The following ERC2 variants were observed in gnomAD, a reference collection of about 807,000 sequenced individuals.
ERC2 encodes the protein ERC protein 2.
In ERC2, 42 loss-of-function variants were observed where a neutral mutation model predicts 114.8. The ratio of observed to expected loss-of-function variants is 0.37; its 90% CI spans 0.29 to 0.47. The LOEUF (loss-of-function observed/expected upper bound fraction) is 0.47, where lower values mean the gene tolerates loss of function less well. Among genes scored for constraint, ERC2 ranks in the 20% least tolerant of loss-of-function variants. The pLI is 0.99. For missense variants in ERC2, 939 were observed against 1,150.7 expected, an observed-to-expected ratio of 0.82 and a Z score of 2.66; for synonymous variants, 454 against 425.5, an observed-to-expected ratio of 1.07 and a Z score of -0.82.
At chr3:56,226,243 C>T (rs1377847054) in intron 3 of ERC2, among the ~76,000 whole-genome samples, 3 of 152,174 alleles carry the variant, frequency 2.0e-5, no homozygotes, top group Non-Finnish European at 2.9e-5. Context: ...AGCCCACATG[C>T]AAGAAGACTG....
chr3:55,669,805 T>C (rs1373810842), intron 17 of ERC2, among the ~76,000 whole-genome samples: 15 of 152,236 alleles, frequency 9.9e-5, no homozygotes, highest in Admixed American at 8.5e-4. Context: ...AATGGTTCCA[T>C]TTGTTCCCTT....
At chr3:55,568,135 C>T (rs965443153) in intron 17 of ERC2, among the ~76,000 whole-genome samples, 1 of 152,218 alleles carries the variant, frequency 6.6e-6, no homozygotes, top group African/African-American at 2.4e-5. Flanking sequence ...ATAGGCCTCA[C>T]TAGCCAAGTA....
chr3:55,577,409 G>T (rs1435693085), intron 17 of ERC2, among the ~76,000 whole-genome samples: 2 of 152,186 alleles, frequency 1.3e-5, no homozygotes, highest in African/African-American at 4.8e-5. Context: ...TCCTCATAAA[G>T]TTCCCTTTAT....
At chr3:56,378,375 A>T (rs2059625051) in intron 2 of ERC2, among the ~76,000 whole-genome samples, 1 of 136,072 alleles carries the variant, frequency 7.3e-6, no homozygotes, top group Non-Finnish European at 1.6e-5. Flanking sequence ...GAACAATGAG[A>T]TCACATGGAC....
chr3:55,737,014 G>A (rs183494345), intron 14 of ERC2, among the ~76,000 whole-genome samples: 179 of 152,206 alleles, frequency 1.2e-3, no homozygotes, highest in African/African-American at 3.9e-3. Flanking sequence ...CAGCCCCAAG[G>A]AAGCCTCCAC....
intron 17 of ERC2, among the ~76,000 whole-genome samples, chr3:55,525,046 C>T (rs1012891155): frequency 6.6e-6 from 1 of 152,196 alleles, no homozygotes; most frequent in African/African-American, 2.4e-5. Context: ...CCAGGAACTA[C>T]CCTCATGGTT....
chr3:56,129,279 C>T (rs560724509), intron 6 of ERC2, among the ~76,000 whole-genome samples: 6 of 152,244 alleles, frequency 3.9e-5, no homozygotes, highest in African/African-American at 1.4e-4. Context: ...TGTAAATATA[C>T]GTAAAGAAAC....
chr3:56,405,390 G>A (rs1390727308), intron 2 of ERC2, among the ~76,000 whole-genome samples: 3 of 151,894 alleles, frequency 2.0e-5, no homozygotes, highest in African/African-American at 7.3e-5. Context: ...TTGTGCCACT[G>A]CATTCCAGCC....
chr3:56,370,587 GTTTT>G (rs1404693067), intron 2 of ERC2, among the ~76,000 whole-genome samples: 2 of 138,398 alleles, frequency 1.4e-5, no homozygotes, highest in South Asian at 2.2e-4. Context: ...TTTGGTGGGG[GTTTT>G]TTTGTTTTTT....
chr3:55,931,236 G>A (rs951344436), intron 13 of ERC2, among the ~76,000 whole-genome samples: 1 of 152,164 alleles, frequency 6.6e-6, no homozygotes, highest in African/African-American at 2.4e-5. Context: ...ATTTGACCCA[G>A]CAATCCCATT....
At chr3:56,019,552 C>G (rs915511577) in intron 7 of ERC2, among the ~76,000 whole-genome samples, 4 of 152,118 alleles carry the variant, frequency 2.6e-5, no homozygotes. Context: ...TTCAAAGTAA[C>G]CACATGAAAA....
intron 13 of ERC2, among the ~76,000 whole-genome samples, chr3:55,897,163 T>G (rs1369270275): frequency 6.6e-6 from 1 of 152,134 alleles, no homozygotes; most frequent in Non-Finnish European, 1.5e-5. Context: ...ACACATACAT[T>G]TGTGTTGTTT....
At chr3:56,274,858 A>T (rs2053893597) in intron 3 of ERC2, among the ~76,000 whole-genome samples, 1 of 152,250 alleles carries the variant, frequency 6.6e-6, no homozygotes, top group Non-Finnish European at 1.5e-5. Flanking sequence ...GTTCTGGAGC[A>T]ATCTGTTTAT....
intron 6 of ERC2, 144 bp from the exon 7 acceptor site, chr3:56,081,128 C>T (rs942436246): frequency 2.0e-5 from 16 of 790,868 alleles, no homozygotes; most frequent in African/African-American, 3.5e-5. Flanking sequence ...CCTCACTGCC[C>T]TGCATTTTAA....
chr3:56,050,248 A>G (rs943280488), intron 7 of ERC2, among the ~76,000 whole-genome samples: 1 of 152,210 alleles, frequency 6.6e-6, no homozygotes, highest in Admixed American at 6.5e-5. Flanking sequence ...GCTTATATTA[A>G]TAGGTTTAAA....
chr3:56,294,320 C>A (rs1163304985), intron 3 of ERC2, among the ~76,000 whole-genome samples: 5 of 152,252 alleles, frequency 3.3e-5, no homozygotes, highest in Admixed American at 3.3e-4. Flanking sequence ...AATCAAGGCA[C>A]AACTTAAGTG....
intron 13 of ERC2, among the ~76,000 whole-genome samples, chr3:55,893,938 T>A (rs2063727912): frequency 6.6e-6 from 1 of 152,212 alleles, no homozygotes; most frequent in African/African-American, 2.4e-5. Context: ...TGCCTGATCA[T>A]CTGTAACAAT....
chr3:55,895,901 T>TG (rs752529054), intron 13 of ERC2, among the ~76,000 whole-genome samples: 4 of 152,212 alleles, frequency 2.6e-5, no homozygotes, highest in Non-Finnish European at 4.4e-5. Context: ...TTCTCTTTGC[T>TG]ATGGGGATGA....
At chr3:55,522,511 C>T (rs1472653970) in intron 17 of ERC2, among the ~76,000 whole-genome samples, 1 of 152,106 alleles carries the variant, frequency 6.6e-6, no homozygotes, top group East Asian at 1.9e-4. Flanking sequence ...CCCAACAGAC[C>T]ACCTTAAAGG....
Sources: gnomAD v4.1 joint callset for allele counts (sites outside exome capture counted in the v4.1 genomes callset) on GRCh38, gnomAD v4.1.1 for gene constraint, MANE v1.5 for transcripts, NCBI Gene and HGNC (gene_info 2026-07-23, HGNC 2026-07-21) for gene names.